MORC3: variants seen among roughly 807,000 people sequenced by gnomAD.
MORC3 encodes the protein MORC family CW-type zinc finger 3, also known as MORC family CW-type zinc finger protein 3.
Under a neutral mutation model 109.1 loss-of-function variants are expected in MORC3, and 31 were observed. That is an observed-to-expected ratio of 0.28 (90% confidence interval 0.21 to 0.38). The LOEUF (loss-of-function observed/expected upper bound fraction) is 0.38. MORC3 is among the 10% of genes least tolerant of loss of function. The probability of loss-of-function intolerance (pLI) is 1.00; values close to 1 mark genes in which losing one functional copy is unlikely to be tolerated. For synonymous variants in MORC3, 395 were observed against 380.7 expected (o/e 1.04, Z -0.44); for missense variants, 867 against 1,135.8 (o/e 0.76, Z 3.40).
chr21:36,327,304 T>G (rs2085260148), intron 1 of MORC3, among the ~76,000 whole-genome samples: 1 of 151,050 alleles, frequency 6.6e-6, no homozygotes, highest in Non-Finnish European at 1.5e-5. Context: ...TTACAGGCGC[T>G]CACCACCACA....
chr21:36,341,107 T>C (rs959648369), intron 5 of MORC3, among the ~76,000 whole-genome samples: 1 of 152,230 alleles, frequency 6.6e-6, no homozygotes, highest in African/African-American at 2.4e-5. Flanking sequence ...GAAATAAATA[T>C]CTAGAAGTGT....
At chr21:36,360,347 T>C (rs1018181980) in intron 12 of MORC3, 89 bp downstream of exon 12, 31 of 1,298,256 alleles carry the variant, frequency 2.4e-5, no homozygotes, top group Middle Eastern at 2.7e-4. Context: ...TTCTCCAAGG[T>C]AAAGCACCTG....
chr21:36,337,988 A>C (rs1046894945), intron 4 of MORC3, 42 bp downstream of exon 4: 1 of 1,590,386 alleles, frequency 6.3e-7, no homozygotes, highest in African/African-American at 1.4e-5. Context: ...GAGAAACTGA[A>C]GAAATAATTT....
intron 1 of MORC3, among the ~76,000 whole-genome samples, chr21:36,326,774 GA>G (rs2085251889): frequency 6.6e-6 from 1 of 151,788 alleles, no homozygotes; most frequent in African/African-American, 2.4e-5. Flanking sequence ...TGCTTAAGGT[GA>G]ATATTTTATT....
At chr21:36,355,714 C>T (rs1224799590) in intron 9 of MORC3, among the ~76,000 whole-genome samples, 1 of 151,474 alleles carries the variant, frequency 6.6e-6, no homozygotes, top group African/African-American at 2.4e-5. Context: ...CTTTGGGAGG[C>T]TGAGACAAGA....
chr21:36,375,517 C>G lies in MORC3; in HGVS notation c.*221C>G. The G allele has an allele frequency of 2.4e-6, 1 of 410,790 alleles. No homozygotes were observed. The highest frequency in any genetic ancestry group is 4.4e-6 in the Non-Finnish European group (1 of 229,644). 25.4% of individuals were successfully genotyped at this position (410,790 alleles called of 1,614,324 possible). A position where few individuals can be genotyped will look rare whatever the true frequency, so the allele number is the denominator to read the frequency against. On this transcript the variant is annotated 3_prime_UTR_variant, in exon 17 of 17. Transcript: ENST00000400485. ...TGGCATTGAGCAGCTGAAGCTAACT[C>G]ATGACTCTGTTTTGAATGTAAATAT... is the stretch of plus-strand genomic sequence containing the variant.
chr21:36,349,438 G>A, intron 9 of MORC3, 30 bp downstream of exon 9: 4 of 1,404,832 alleles, frequency 2.8e-6, no homozygotes, highest in Non-Finnish European at 2.9e-6. Flanking sequence ...TATTGACTGA[G>A]GTTCCTAGGA....
chr21:36,359,874 G>A (rs2085693269), intron 10 of MORC3, 81 bp from the exon 11 acceptor site: 2 of 1,543,602 alleles, frequency 1.3e-6, no homozygotes. Context: ...GGCATCTTGT[G>A]GTAGAAATGA....
At chr21:36,351,821 A>C (rs550444657) in intron 9 of MORC3, among the ~76,000 whole-genome samples, 7 of 152,216 alleles carry the variant, frequency 4.6e-5, no homozygotes, top group Non-Finnish European at 1.0e-4. Flanking sequence ...TGATTGAACA[A>C]TCACATGGCT....
In MORC3 at chr21:36,345,573, C is replaced by T. The variant is rs560923847; in HGVS notation, c.1005+542C>T. Among the ~76,000 whole-genome samples the T allele has an allele frequency of 3.9e-4, 60 of 152,062 alleles. No individual in the cohort carries two copies. In the South Asian group the frequency reaches 6.9e-3, roughly 17 times the overall value. ...AGTAGCTGGGACTACAGGCACGTGC[C>T]GCCACGCCTGGCTAATTTTTGTATT... is the stretch of plus-strand genomic sequence containing the variant. On this transcript the variant is annotated intron_variant, in intron 8 of 16. Coordinates refer to ENST00000400485, the MANE Select transcript of MORC3 (RefSeq NM_015358.3).
In MORC3 at chr21:36,342,144, C is replaced by T. The variant is rs560574602; in HGVS notation, c.756+598C>T. On this transcript the variant is annotated intron_variant, in intron 6 of 16. Coordinates refer to ENST00000400485, the MANE Select transcript of MORC3 (RefSeq NM_015358.3). ...TCGGGAGGCTGAGGCAGGAGAGTCG[C>T]TTGAACCTGCAGGTGGGGCAGTGCG... is the stretch of plus-strand genomic sequence containing the variant. Among the ~76,000 whole-genome samples, 7 of 152,204 alleles carry T rather than the reference C, an allele frequency of 4.6e-5. No homozygotes were observed. In the South Asian group the frequency reaches 1.5e-3, roughly 32 times the overall value.
intron 5 of MORC3, among the ~76,000 whole-genome samples, chr21:36,340,277 CA>C (rs1346689464): frequency 0.093 from 8,362 of 90,160 alleles, 696 homozygotes; most frequent in African/African-American, 0.27. Context: ...GACTCTGTCT[CA>C]AAAAAAAAAA....
At chr21:36,334,395 A>G (rs1467563256) in intron 2 of MORC3, among the ~76,000 whole-genome samples, 4 of 152,196 alleles carry the variant, frequency 2.6e-5, no homozygotes, top group Non-Finnish European at 2.9e-5. Flanking sequence ...TTACTTTGCT[A>G]AGTTCCTGAA....
intron 9 of MORC3, among the ~76,000 whole-genome samples, chr21:36,355,236 G>T (rs1045602843): frequency 4.6e-5 from 7 of 152,084 alleles, no homozygotes; most frequent in African/African-American, 1.7e-4. Flanking sequence ...TGTGTTTCGG[G>T]ACAAGTAGAC....
intron 1 of MORC3, among the ~76,000 whole-genome samples, chr21:36,328,002 A>G (rs2085269193): frequency 6.6e-6 from 1 of 151,492 alleles, no homozygotes. Context: ...TCAGCCACCC[A>G]AGTAGCTGGG....
chr21:36,343,875 G>A (rs140624720), intron 6 of MORC3, among the ~76,000 whole-genome samples: 104 of 152,008 alleles, frequency 6.8e-4, no homozygotes, highest in African/African-American at 2.3e-3. Context: ...AATAGTAATA[G>A]TAAATAGTAG....
intron 6 of MORC3, among the ~76,000 whole-genome samples, chr21:36,342,835 A>G (rs531853267): frequency 1.3e-5 from 2 of 151,898 alleles, no homozygotes; most frequent in African/African-American, 2.4e-5. Flanking sequence ...CCTGGCCAAC[A>G]TGGTGAAATC....
chr21:36,333,022 C>T (rs1022956783), intron 1 of MORC3, among the ~76,000 whole-genome samples: 8 of 152,202 alleles, frequency 5.3e-5, no homozygotes, highest in South Asian at 2.1e-4. Context: ...CTCCTGACCT[C>T]GTGATCTGCC....
intron 1 of MORC3, among the ~76,000 whole-genome samples, chr21:36,328,959 A>G (rs2146288918): frequency 6.6e-6 from 1 of 151,786 alleles, no homozygotes; most frequent in African/African-American, 2.4e-5. Flanking sequence ...AACTACAACA[A>G]CAACAAAAAA....
Sources: gnomAD v4.1 joint callset for allele counts (sites outside exome capture counted in the v4.1 genomes callset) on GRCh38, gnomAD v4.1.1 for gene constraint, MANE v1.5 for transcripts, NCBI Gene and HGNC (gene_info 2026-07-23, HGNC 2026-07-21) for gene names.